FOXO1: variants seen among roughly 807,000 people sequenced by gnomAD.
The protein encoded by FOXO1 is forkhead box O1.
FOXO1 carries 6 observed loss-of-function variants against 44.1 expected under a neutral mutation model. That is an observed-to-expected ratio of 0.14 (90% CI 0.07 to 0.27). FOXO1 has a LOEUF of 0.27. Ranked by LOEUF, FOXO1 falls within the 10% of genes least tolerant of loss-of-function variation. The probability of loss-of-function intolerance (pLI) is 1.00; values close to 1 mark genes in which losing one functional copy is unlikely to be tolerated. For missense variants in FOXO1, 737 were observed against 888.8 expected, an observed-to-expected ratio of 0.83 and a Z score of 2.17; for synonymous variants, 380 against 362.7, an observed-to-expected ratio of 1.05 and a Z score of -0.54.
At chr13:40,607,507 A>T (rs1403068086) in intron 1 of FOXO1, among the ~76,000 whole-genome samples, 1 of 120,658 alleles carries the variant, frequency 8.3e-6, no homozygotes, top group Non-Finnish European at 1.6e-5. Flanking sequence ...ACTATAAGTC[A>T]GGCACTGTAC....
intron 1 of FOXO1, among the ~76,000 whole-genome samples, chr13:40,595,694 C>G (rs1378414196): frequency 6.6e-6 from 1 of 152,054 alleles, no homozygotes; most frequent in Admixed American, 6.6e-5. Context: ...CCTCTGATTC[C>G]TTGAACACAG....
intron 1 of FOXO1, among the ~76,000 whole-genome samples, chr13:40,630,341 A>G (rs1876920678): frequency 6.6e-6 from 1 of 152,158 alleles, no homozygotes; most frequent in Non-Finnish European, 1.5e-5. Context: ...TCCCACTGAA[A>G]AGCAAAAATC....
In FOXO1 at chr13:40,558,889, A is replaced by T. The variant is rs925241928; in HGVS notation, c.*160T>A. 2.5e-6 allele frequency: 1 copy of T among 398,520 alleles called. No homozygotes were observed. The highest frequency in any genetic ancestry group is 4.4e-6 in the Non-Finnish European group (1 of 226,022). 24.7% of individuals were successfully genotyped at this position (398,520 alleles called of 1,614,324 possible). The stretch of plus-strand genomic sequence containing the variant: ...GTACAGGAAAAATGTCTTTGCTGCC[A>T]AGTCTGACGAAAGGAAAAAAGGAGG... On this transcript the variant is annotated 3_prime_UTR_variant, in exon 3 of 3. Coordinates refer to ENST00000379561, the MANE Select transcript of FOXO1 (RefSeq NM_002015.4).
At chr13:40,612,550 C>T (rs185611613) in intron 1 of FOXO1, among the ~76,000 whole-genome samples, 2 of 152,292 alleles carry the variant, frequency 1.3e-5, no homozygotes, top group East Asian at 3.9e-4. Flanking sequence ...AGAAGGCTGG[C>T]CCAACAATTT....
At chr13:40,605,660 C>T (rs1035364533) in intron 1 of FOXO1, among the ~76,000 whole-genome samples, 40 of 152,258 alleles carry the variant, frequency 2.6e-4, no homozygotes, top group African/African-American at 8.2e-4. Context: ...CATAGGCGTG[C>T]ACTCTGTTTT....
chr13:40,568,445 A>AAAATCTATTC (rs1482301600), intron 1 of FOXO1, among the ~76,000 whole-genome samples: 1 of 152,226 alleles, frequency 6.6e-6, no homozygotes, highest in African/African-American at 2.4e-5. Flanking sequence ...CTGAACTAGG[A>AAAATCTATTC]AAATCTATTC....
chr13:40,609,906 C>T (rs1184888368), intron 1 of FOXO1, among the ~76,000 whole-genome samples: 3 of 152,072 alleles, frequency 2.0e-5, no homozygotes, highest in South Asian at 2.1e-4. Flanking sequence ...CAATAGAAAT[C>T]GGATGCCTTC....
chr13:40,639,871 T>C (rs142511025), intron 1 of FOXO1, among the ~76,000 whole-genome samples: 34 of 152,364 alleles, frequency 2.2e-4, no homozygotes, highest in African/African-American at 8.2e-4. Flanking sequence ...ATAAAACGAC[T>C]GAGAACGGGA....
intron 1 of FOXO1, among the ~76,000 whole-genome samples, chr13:40,643,532 T>A (rs1430258458): frequency 6.6e-6 from 1 of 152,100 alleles, no homozygotes; most frequent in Non-Finnish European, 1.5e-5. Context: ...TTTCTCATGC[T>A]GCCAGGTTAT....
intron 1 of FOXO1, among the ~76,000 whole-genome samples, chr13:40,610,206 G>A (rs1177798578): frequency 1.3e-5 from 2 of 152,138 alleles, no homozygotes; most frequent in African/African-American, 4.8e-5. Context: ...TTTTGTGGAA[G>A]CATGAGCATA....
At chr13:40,585,695 T>C (rs763275376) in intron 1 of FOXO1, among the ~76,000 whole-genome samples, 14 of 152,142 alleles carry the variant, frequency 9.2e-5, no homozygotes, top group Non-Finnish European at 2.1e-4. Context: ...CTCAGGTTAA[T>C]CTCAAAAGAA....
chr13:40,653,834 T>C (rs1289866584), intron 1 of FOXO1, among the ~76,000 whole-genome samples: 1 of 152,170 alleles, frequency 6.6e-6, no homozygotes, highest in East Asian at 1.9e-4. Context: ...ACCTTCAAGA[T>C]GGGGAAACCA....
chr13:40,582,091 T>C (rs1334545640), intron 1 of FOXO1, among the ~76,000 whole-genome samples: 1 of 152,192 alleles, frequency 6.6e-6, no homozygotes, highest in East Asian at 1.9e-4. Context: ...ACCTTAGAGA[T>C]ACCTCAAGTT....
intron 1 of FOXO1, among the ~76,000 whole-genome samples, chr13:40,612,010 G>A (rs1175839650): frequency 1.3e-5 from 2 of 152,104 alleles, no homozygotes. Flanking sequence ...GGAGGCGGGG[G>A]TTGAGCCAAG....
chr13:40,556,441 T>A lies in FOXO1; in HGVS notation c.*2608A>T, dbSNP rs1315924110. 6.6e-6 allele frequency: 1 copy of A among 152,656 alleles called. No homozygotes were observed. Among genetic ancestry groups the A allele is most frequent in the Non-Finnish European group, 1.5e-5 (1 of 68,048 alleles). The allele number at this position is 152,656 out of a possible 1,614,324, so 9.5% of individuals were successfully genotyped here. Reference sequence around the variant, plus strand: ...GCTCTATAATACAATATGCTTTTAATAACAGTACAAACCAGAGAAAATAAA... The same window carrying A: ...GCTCTATAATACAATATGCTTTTAAAAACAGTACAAACCAGAGAAAATAAA... On this transcript the variant is annotated 3_prime_UTR_variant, in exon 3 of 3. Transcript: ENST00000379561.
chr13:40,582,826 C>T (rs1361903426), intron 1 of FOXO1, among the ~76,000 whole-genome samples: 2 of 152,220 alleles, frequency 1.3e-5, no homozygotes, highest in African/African-American at 2.4e-5. Context: ...CTGGAATCAG[C>T]TTCTTCCAAA....
At chr13:40,564,864 G>A (rs1874201225) in intron 1 of FOXO1, among the ~76,000 whole-genome samples, 1 of 152,206 alleles carries the variant, frequency 6.6e-6, no homozygotes, top group East Asian at 1.9e-4. Context: ...CACCCCATCT[G>A]CCATCTGCAT....
At chr13:40,654,322 TAAAAAAAAAAAAAAAA>T (rs11344939) in intron 1 of FOXO1, among the ~76,000 whole-genome samples, 2 of 48,196 alleles carry the variant, frequency 4.1e-5, no homozygotes, top group Admixed American at 3.1e-4. Flanking sequence ...CTAAAAATAC[TAAAAAAAAAAAAAAAA>T]AAAAAAAAAA....
rs73469056 is a variant in FOXO1, at chr13:40,660,177, G to A, written c.630+5406C>T. On this transcript the variant is annotated intron_variant, in intron 1 of 2. Coordinates refer to ENST00000379561, the MANE Select transcript of FOXO1 (RefSeq NM_002015.4). ...TATGACCCCAGGGAGATCCTGGGGGGGCTGGGCAAGTCTCTGCAAGTTGTT... is the reference window on the plus strand; with the variant it reads ...TATGACCCCAGGGAGATCCTGGGGGAGCTGGGCAAGTCTCTGCAAGTTGTT... 5.9e-5 allele frequency among the ~76,000 whole-genome samples: 9 copies of A among 152,154 alleles called. No homozygotes were observed. The East Asian group carries it at 7.7e-4, about 13-fold the overall frequency.
Sources: allele counts gnomAD v4.1 joint callset (sites outside exome capture counted in the v4.1 genomes callset), GRCh38; gene constraint gnomAD v4.1.1; transcripts MANE v1.5; gene names NCBI Gene and HGNC (gene_info 2026-07-23, HGNC 2026-07-21).